Variants in SMAD4 observed in about 807,000 individuals in gnomAD.
The protein encoded by SMAD4 is MAD homolog 4.
SMAD4 carries 7 observed loss-of-function variants against 63.2 expected under a neutral mutation model. The ratio of observed to expected loss-of-function variants is 0.11; its 90% CI spans 0.06 to 0.21. The LOEUF is 0.21. Ranked by LOEUF, SMAD4 falls within the 10% of genes least tolerant of loss-of-function variation. The pLI, the probability that SMAD4 is intolerant of heterozygous loss-of-function variation, is 1.00. For synonymous variants in SMAD4, 215 were observed against 235.4 expected (o/e 0.91, Z 0.79); for missense variants, 312 against 693.8 (o/e 0.45, Z 6.18).
At chr18:51,065,796 A>G (rs1241760638) in intron 9 of SMAD4, among the ~76,000 whole-genome samples, 190 bp downstream of exon 9, 1 of 152,250 alleles carries the variant, frequency 6.6e-6, no homozygotes, top group Non-Finnish European at 1.5e-5. Context: ...TGTTTAACAT[A>G]TAATGATAAA....
At position 51,046,977 on chromosome 18, in the gene SMAD4, T is replaced by C. The variant is rs955324690; in HGVS notation, c.-70T>C. The C allele has an allele frequency of 2.8e-6, 4 of 1,449,724 alleles. No homozygotes were observed. In the Admixed American group the frequency reaches 5.1e-5, roughly 18 times the overall value. 89.8% of individuals were successfully genotyped at this position (1,449,724 alleles called of 1,614,324 possible). On this transcript the variant is annotated 5_prime_UTR_variant, in exon 2 of 12. Transcript: ENST00000342988. ...TGCAACGTTAGCTGTTGTTTTTCAC[T>C]GTTTCCAAAGGATCAAAATTGCTTC...
intron 5 of SMAD4, among the ~76,000 whole-genome samples, chr18:51,056,798 A>C (rs1309390365): frequency 1.3e-5 from 2 of 152,154 alleles, no homozygotes; most frequent in Non-Finnish European, 2.9e-5. Context: ...TTCAGTATGG[A>C]TAACTACAGT....
intron 4 of SMAD4, among the ~76,000 whole-genome samples, chr18:51,050,228 G>A (rs1289692367): frequency 2.0e-5 from 3 of 151,910 alleles, no homozygotes; most frequent in Non-Finnish European, 2.9e-5. Context: ...GCATGGTGGC[G>A]GGTGCCTGTA....
Position 51,046,993 on chromosome 18 carries a change from A to G in SMAD4, c.-54A>G. The G allele has an allele frequency of 1.3e-6, 2 of 1,568,068 alleles. No individual in the cohort carries two copies. The highest frequency in any genetic ancestry group is 1.8e-6 in the Non-Finnish European group (2 of 1,138,930). ...GTTTTTCACTGTTTCCAAAGGATCAAAATTGCTTCAGAAATTGGAGACATA... is the reference window on the plus strand; with the variant it reads ...GTTTTTCACTGTTTCCAAAGGATCAGAATTGCTTCAGAAATTGGAGACATA... On this transcript the variant is annotated 5_prime_UTR_variant, in exon 2 of 12. Transcript: ENST00000342988.
rs191937970 is a variant in SMAD4, at chr18:51,061,214, C to T, written c.955+1298C>T. ...CTTCAAGCATTTATCTTTTGTGTTA[C>T]AATCTATACTCTGTTAGTTATTTTA... On this transcript the variant is annotated intron_variant, in intron 8 of 11. Coordinates refer to ENST00000342988, the MANE Select transcript of SMAD4 (RefSeq NM_005359.6). Among the ~76,000 whole-genome samples the T allele has an allele frequency of 3.3e-5, 5 of 152,196 alleles. No individual in the cohort carries two copies. The East Asian group carries it at 9.7e-4, about 29-fold the overall frequency.
rs551248401 is a variant in SMAD4 at position 51,042,655 on chromosome 18, T to TA, written c.-127-4262dup. ...AAGTGATCCAACCATGTCGGCCTCT[T>TA]AAAGTGCTGGGATTACAGGCATGAG... is the stretch of plus-strand genomic sequence containing the variant. On this transcript the variant is annotated intron_variant, in intron 1 of 11. Coordinates refer to ENST00000342988, the MANE Select transcript of SMAD4 (RefSeq NM_005359.6). 3.0e-3 allele frequency among the ~76,000 whole-genome samples: 451 copies of TA among 152,152 alleles called. 2 individuals are homozygous for TA. The highest frequency in any genetic ancestry group is 9.9e-3 in the African/African-American group (410 of 41,508).
rs2144400485 is a variant in SMAD4, at chr18:51,047,090, C to T, written c.44C>T (p.Ala15Val). 1 of 1,613,480 alleles carries T rather than the reference C, an allele frequency of 6.2e-7. No homozygotes were observed. Among genetic ancestry groups the T allele is most frequent in the Non-Finnish European group, 8.5e-7 (1 of 1,179,472 alleles). ...SITNTPTSND[A>V]CLSIVHSLMC... ...ACGAATACACCAACAAGTAATGATG[C>T]CTGTCTGAGCATTGTGCATAGTTTG... The change falls in exon 2 of 12, where the codon GCC becomes GTC. Residue 15 changes from alanine (A) to valine (V), a missense_variant. By Grantham distance (64) the Ala-to-Val change is moderately conservative. Around this residue, in one of 4 missense-constraint regions of SMAD4, gnomAD observed 37 missense variants for 87.3 expected, o/e 0.42. Coordinates refer to ENST00000342988, the MANE Select transcript of SMAD4 (RefSeq NM_005359.6).
intron 8 of SMAD4, among the ~76,000 whole-genome samples, chr18:51,064,718 A>C (rs1041003443): frequency 1.1e-4 from 16 of 152,216 alleles, no homozygotes. Flanking sequence ...TACATCTCCA[A>C]AGTTAAAATT....
chr18:51,045,551 T>G (rs950946907), intron 1 of SMAD4, among the ~76,000 whole-genome samples: 2 of 151,744 alleles, frequency 1.3e-5, no homozygotes, highest in Non-Finnish European at 2.9e-5. Context: ...GTTATTTTAA[T>G]TTTTTTGAAA....
At chr18:51,055,676 G>A (rs1480308158) in intron 5 of SMAD4, among the ~76,000 whole-genome samples, 1 of 151,592 alleles carries the variant, frequency 6.6e-6, no homozygotes, top group Non-Finnish European at 1.5e-5. Context: ...TTGATAGTTT[G>A]CTGCTTGGCA....
intron 10 of SMAD4, among the ~76,000 whole-genome samples, chr18:51,068,878 G>A (rs1323205947): frequency 6.6e-6 from 1 of 152,130 alleles, no homozygotes. Context: ...CCATGATCAT[G>A]CCACTGTGCT....
intron 11 of SMAD4, among the ~76,000 whole-genome samples, chr18:51,077,733 A>G (rs1430202601): frequency 6.6e-6 from 1 of 152,208 alleles, no homozygotes; most frequent in Non-Finnish European, 1.5e-5. Context: ...ATTAAGTTTC[A>G]TATTCTCATC....
At position 51,056,574 on chromosome 18, in the gene SMAD4, C is replaced by T. The variant is rs936837910; in HGVS notation, c.668-1551C>T. On this transcript the variant is annotated intron_variant, in intron 5 of 11. Coordinates refer to ENST00000342988, the MANE Select transcript of SMAD4 (RefSeq NM_005359.6). ...GGCGGAGCTTGCAGTGAGCAGAGAG[C>T]GAGTCACTGCACTCCAGCCTGGGCG... Among the ~76,000 whole-genome samples the T allele has an allele frequency of 3.7e-5, 5 of 133,738 alleles. No individual in the cohort carries two copies. The South Asian group carries it at 7.0e-4, about 19-fold the overall frequency. 87.7% of individuals were successfully genotyped at this position (133,738 alleles called of 152,430 possible). A position where few individuals can be genotyped will look rare whatever the true frequency, so the allele number is the denominator to read the frequency against.
rs1910563153 is a variant in SMAD4, at chr18:51,079,732, G to A, written c.*1265G>A. 2 of 233,200 alleles carry A rather than the reference G, an allele frequency of 8.6e-6. No individual in the cohort carries two copies. Among genetic ancestry groups the A allele is most frequent in the Non-Finnish European group, 1.7e-5 (2 of 117,884 alleles). The allele number at this position is 233,200 out of a possible 1,614,324, so 14.4% of individuals were successfully genotyped here. On this transcript the variant is annotated 3_prime_UTR_variant, in exon 12 of 12. Transcript: ENST00000342988. The stretch of plus-strand genomic sequence containing the variant: ...ACTGTACCACAGACACAATATGTAT[G>A]CTTTTTACCTAGCTGGTAGCATAAA...
At chr18:51,032,825 G>T (rs1342433627) in intron 1 of SMAD4, among the ~76,000 whole-genome samples, 5 of 152,088 alleles carry the variant, frequency 3.3e-5, no homozygotes. Flanking sequence ...ATTTCGGCTT[G>T]TCTAAATTTT....
chr18:51,038,087 G>A (rs1440996056), intron 1 of SMAD4, among the ~76,000 whole-genome samples: 1 of 152,192 alleles, frequency 6.6e-6, no homozygotes, highest in East Asian at 1.9e-4. Flanking sequence ...CCAAGAGTTC[G>A]AGACCCTGTT....
At chr18:51,041,051 G>C (rs982541507) in intron 1 of SMAD4, among the ~76,000 whole-genome samples, 1 of 151,898 alleles carries the variant, frequency 6.6e-6, no homozygotes, top group African/African-American at 2.4e-5. Flanking sequence ...ATAGCTCACT[G>C]ATTTCCCCCT....
intron 10 of SMAD4, among the ~76,000 whole-genome samples, chr18:51,073,613 C>T (rs1252978556): frequency 6.6e-6 from 1 of 151,716 alleles, no homozygotes; most frequent in Non-Finnish European, 1.5e-5. Context: ...TCACTGCAAC[C>T]TCCGCCTCCT....
intron 10 of SMAD4, 55 bp downstream of exon 10, chr18:51,067,242 A>G (rs974429950): frequency 1.0e-6 from 1 of 993,114 alleles, no homozygotes; most frequent in Admixed American, 1.8e-5. Context: ...TTGTTGTCAA[A>G]AGAATTGAAA....
Sources: gnomAD v4.1 joint callset for allele counts (sites outside exome capture counted in the v4.1 genomes callset) on GRCh38, gnomAD v4.1.1 for gene constraint, gnomAD v4.1.1 regional missense constraint, MANE v1.5 for transcripts, NCBI Gene and HGNC (gene_info 2026-07-23, HGNC 2026-07-21) for gene names.